AKAP19: variants seen among roughly 807,000 people sequenced by gnomAD.
AKAP19 encodes small A-kinase anchoring protein.
the AKAP19 span, among the ~76,000 whole-genome samples, chr2:189,948,272 T>C: frequency 1.3e-5 from 2 of 152,308 alleles, no homozygotes; most frequent in South Asian, 4.1e-4. Context: ...TTAAAAATCA[T>C]TTTTACCAAG....
chr2:190,014,559 C>T, the AKAP19 span, among the ~76,000 whole-genome samples: 2 of 152,230 alleles, frequency 1.3e-5, 1 homozygote, highest in South Asian at 4.2e-4. Context: ...AGCCTAACCA[C>T]ATCATTCCAC....
the AKAP19 span, among the ~76,000 whole-genome samples, chr2:189,969,666 T>C: frequency 3.4e-5 from 5 of 147,882 alleles, no homozygotes; most frequent in African/African-American, 1.3e-4. Context: ...GAGGCAGAGG[T>C]TGTGGTGAGC....
chr2:189,984,670 A>G, the AKAP19 span, among the ~76,000 whole-genome samples: 1 of 152,216 alleles, frequency 6.6e-6, no homozygotes, highest in Non-Finnish European at 1.5e-5. Context: ...ATAAGTGTCC[A>G]TGAAATCTTC....
the AKAP19 span, among the ~76,000 whole-genome samples, chr2:190,092,588 C>T: frequency 6.6e-6 from 1 of 152,022 alleles, no homozygotes; most frequent in East Asian, 1.9e-4. Flanking sequence ...TTTGCATAGA[C>T]CTGTCCACCT....
chr2:189,909,576 A>G, the AKAP19 span, among the ~76,000 whole-genome samples: 1 of 152,008 alleles, frequency 6.6e-6, no homozygotes, highest in East Asian at 1.9e-4. Flanking sequence ...TGTTATATTT[A>G]TAATAGTCTA....
chr2:189,971,244 T>C, the AKAP19 span, among the ~76,000 whole-genome samples: 2 of 152,064 alleles, frequency 1.3e-5, no homozygotes, highest in Non-Finnish European at 2.9e-5. Flanking sequence ...TTTGGTTTTT[T>C]GTCCTTGCGA....
the AKAP19 span, among the ~76,000 whole-genome samples, chr2:189,921,197 T>C: frequency 1.3e-5 from 2 of 152,174 alleles, no homozygotes; most frequent in Non-Finnish European, 2.9e-5. Flanking sequence ...TTTCTGTTGG[T>C]ACTGTTTGCC....
At chr2:190,105,272 T>A in the AKAP19 span, among the ~76,000 whole-genome samples, 1 of 152,184 alleles carries the variant, frequency 6.6e-6, no homozygotes, top group South Asian at 2.1e-4. Context: ...AAATGTGATA[T>A]ATATATCTCA....
the AKAP19 span, among the ~76,000 whole-genome samples, chr2:190,121,166 T>G: frequency 6.7e-6 from 1 of 148,432 alleles, no homozygotes; most frequent in South Asian, 2.1e-4. Context: ...CAGGCTGGAG[T>G]GCAGTGGCAT....
the AKAP19 span, among the ~76,000 whole-genome samples, chr2:190,016,949 A>G: frequency 6.6e-6 from 1 of 152,104 alleles, no homozygotes; most frequent in African/African-American, 2.4e-5. Context: ...TTTGCTTTAT[A>G]TATTTAGGTA....
the AKAP19 span, among the ~76,000 whole-genome samples, chr2:189,917,047 A>G: frequency 1.3e-5 from 2 of 152,164 alleles, no homozygotes; most frequent in Non-Finnish European, 2.9e-5. Flanking sequence ...ACAAATTTAC[A>G]TTTTATCAAA....
At chr2:189,971,961 T>G in the AKAP19 span, among the ~76,000 whole-genome samples, 1 of 152,062 alleles carries the variant, frequency 6.6e-6, no homozygotes, top group Non-Finnish European at 1.5e-5. Context: ...TAGTTTCTTT[T>G]GCTGTGCAGA....
chr2:190,026,537 T>C, the AKAP19 span, among the ~76,000 whole-genome samples: 1 of 152,230 alleles, frequency 6.6e-6, no homozygotes, highest in Non-Finnish European at 1.5e-5. Context: ...AAAACTCCTA[T>C]TGTCCTTATA....
At chr2:190,088,602 A>T in the AKAP19 span, among the ~76,000 whole-genome samples, 1 of 152,212 alleles carries the variant, frequency 6.6e-6, no homozygotes, top group Non-Finnish European at 1.5e-5. Context: ...AAAGTTGTAT[A>T]AACTCATAAA....
chr2:189,991,528 C>G, the AKAP19 span, among the ~76,000 whole-genome samples: 1 of 151,982 alleles, frequency 6.6e-6, no homozygotes. Flanking sequence ...CCTTTGCCCA[C>G]TTTTTGATGG....
At chr2:190,051,822 T>TTTTTTTTATTTATTTATTTATTTA in the AKAP19 span, among the ~76,000 whole-genome samples, 16 of 149,548 alleles carry the variant, frequency 1.1e-4, no homozygotes, top group Admixed American at 1.1e-3. Context: ...TTTTTTTATT[T>TTTTTTTTATTTATTTATTTATTTA]TTTATTTATT....
the AKAP19 span, among the ~76,000 whole-genome samples, chr2:190,110,653 C>T: frequency 6.6e-6 from 1 of 152,114 alleles, no homozygotes; most frequent in African/African-American, 2.4e-5. Flanking sequence ...TTACATAGGA[C>T]AATTATGTCA....
the AKAP19 span, among the ~76,000 whole-genome samples, chr2:190,192,130 A>C: frequency 3.9e-5 from 6 of 152,076 alleles, no homozygotes; most frequent in Non-Finnish European, 5.9e-5. Context: ...TTTTTCTATA[A>C]AGTATAAGGT....
the AKAP19 span, among the ~76,000 whole-genome samples, chr2:190,151,296 A>G: frequency 1.3e-5 from 2 of 152,248 alleles, no homozygotes; most frequent in East Asian, 3.9e-4. Flanking sequence ...GGTTTGCTGC[A>G]CCTACCAACC....
Sources: gnomAD v4.1 joint callset for allele counts (sites outside exome capture counted in the v4.1 genomes callset) on GRCh38, gnomAD v4.1.1 for gene constraint, MANE v1.5 for transcripts, NCBI Gene and HGNC (gene_info 2026-07-23, HGNC 2026-07-21) for gene names.